The following CFAP20DC variants were observed in gnomAD, a reference collection of about 807,000 sequenced individuals.
The protein encoded by CFAP20DC is CFAP20 domain containing.
Under a neutral mutation model 101.7 loss-of-function variants are expected in CFAP20DC, and 84 were observed. The ratio of observed to expected loss-of-function variants is 0.83; its 90% CI spans 0.69 to 0.99. The LOEUF is 0.99. Among genes scored for constraint, CFAP20DC ranks in the 50% least tolerant of loss-of-function variants. The probability of loss-of-function intolerance (pLI) is 0.00; values close to 1 mark genes in which losing one functional copy is unlikely to be tolerated. For synonymous variants in CFAP20DC, 359 were observed against 351.2 expected, an observed-to-expected ratio of 1.02 and a Z score of -0.25; for missense variants, 1,007 against 970.3, an observed-to-expected ratio of 1.04 and a Z score of -0.50.
chr3:58,852,634 C>T (rs1340703314), intron 12 of CFAP20DC, among the ~76,000 whole-genome samples: 4 of 150,120 alleles, frequency 2.7e-5, no homozygotes, highest in African/African-American at 9.8e-5. Context: ...AACAAACTAT[C>T]TCTCAGACCA....
At chr3:58,830,032 C>T (rs1026949251) in intron 14 of CFAP20DC, among the ~76,000 whole-genome samples, 1 of 152,154 alleles carries the variant, frequency 6.6e-6, no homozygotes, top group African/African-American at 2.4e-5. Flanking sequence ...AGCTTGGCTA[C>T]AAGAATACTC....
chr3:58,936,975 T>G (rs181811593), intron 5 of CFAP20DC, among the ~76,000 whole-genome samples: 129 of 137,112 alleles, frequency 9.4e-4, no homozygotes, highest in Middle Eastern at 4.0e-3. Flanking sequence ...AAAAGAGAGA[T>G]AGTGTTGATT....
At chr3:58,890,915 G>T (rs1392435675) in intron 6 of CFAP20DC, among the ~76,000 whole-genome samples, 1 of 148,360 alleles carries the variant, frequency 6.7e-6, no homozygotes, top group Non-Finnish European at 1.5e-5. Context: ...ATGGCGGCCG[G>T]GCGGAGACGC....
At chr3:58,930,396 G>C (rs2086478876) in intron 5 of CFAP20DC, among the ~76,000 whole-genome samples, 1 of 152,142 alleles carries the variant, frequency 6.6e-6, no homozygotes, top group Non-Finnish European at 1.5e-5. Flanking sequence ...TAGCCCAAAA[G>C]CTTTAATGGC....
Position 58,892,774 on chromosome 3 carries a change from G to A in CFAP20DC, c.551-8065C>T, listed in dbSNP as rs565402105. On this transcript the variant is annotated intron_variant, in intron 6 of 16. Transcript: ENST00000482387. This position sits in a 1 kb window ranked among gnomAD's most constrained non-coding sequence, Gnocchi z 4.0. The stretch of plus-strand genomic sequence containing the variant: ...TTCTAGATATAGGATCATGTCATCT[G>A]CAAAAAGGTAATTTGACTTCCTCTC... Among the ~76,000 whole-genome samples the A allele has an allele frequency of 3.3e-5, 5 of 152,278 alleles. No homozygotes were observed. The highest frequency in any genetic ancestry group is 1.2e-4 in the African/African-American group (5 of 41,560).
At chr3:58,980,741 C>A (rs556699712) in intron 4 of CFAP20DC, among the ~76,000 whole-genome samples, 4 of 152,134 alleles carry the variant, frequency 2.6e-5, no homozygotes, top group African/African-American at 9.7e-5. Flanking sequence ...AAACCCACAG[C>A]GAATATCATA....
intron 14 of CFAP20DC, among the ~76,000 whole-genome samples, chr3:58,809,608 C>G (rs1328571604): frequency 6.6e-6 from 1 of 151,886 alleles, no homozygotes; most frequent in Non-Finnish European, 1.5e-5. Flanking sequence ...CAGGAAAGAT[C>G]CAAAATTGAC....
At chr3:58,818,494 G>A (rs1469012043) in intron 14 of CFAP20DC, among the ~76,000 whole-genome samples, 1 of 151,510 alleles carries the variant, frequency 6.6e-6, no homozygotes, top group African/African-American at 2.4e-5. Flanking sequence ...TGCAATCCTA[G>A]TCTCTGATAA....
chr3:58,807,256 T>C (rs1374783071), intron 14 of CFAP20DC, among the ~76,000 whole-genome samples: 1 of 152,194 alleles, frequency 6.6e-6, no homozygotes, highest in African/African-American at 2.4e-5. Flanking sequence ...ATGGGCAGAC[T>C]GCCTCCTCAA....
chr3:58,910,406 AT>A (rs894461267), intron 6 of CFAP20DC, among the ~76,000 whole-genome samples: 4 of 152,134 alleles, frequency 2.6e-5, no homozygotes, highest in Admixed American at 6.6e-5. Context: ...GTTGATAATA[AT>A]TTTTCCTTAG....
chr3:58,791,467 G>A (rs1480196190), intron 15 of CFAP20DC, among the ~76,000 whole-genome samples: 1 of 152,008 alleles, frequency 6.6e-6, no homozygotes, highest in Non-Finnish European at 1.5e-5. Flanking sequence ...TTAAACTAGT[G>A]CATTATACCA....
chr3:59,032,122 G>A (rs1486114720), intron 4 of CFAP20DC, among the ~76,000 whole-genome samples: 1 of 152,146 alleles, frequency 6.6e-6, no homozygotes, highest in Non-Finnish European at 1.5e-5. Flanking sequence ...CTAGCCAAGG[G>A]AAGCGGTGAG....
At position 58,952,147 on chromosome 3, in the gene CFAP20DC, A is replaced by G. The variant is rs887551201; in HGVS notation, c.279-14385T>C. On this transcript the variant is annotated intron_variant, in intron 4 of 16. Coordinates refer to ENST00000482387, the MANE Select transcript of CFAP20DC (RefSeq NM_001394063.1). The stretch of plus-strand genomic sequence containing the variant: ...TCATCATCAGCGTTGAGTTCATTGT[A>G]GTTTTCAAGTAGTGCTATTCTTAGT... Among the ~76,000 whole-genome samples, 6 of 152,280 alleles carry G rather than the reference A, an allele frequency of 3.9e-5. No individual in the cohort carries two copies. In the East Asian group the frequency reaches 1.2e-3, roughly 29 times the overall value.
intron 4 of CFAP20DC, among the ~76,000 whole-genome samples, chr3:59,039,047 A>C (rs1487688474): frequency 1.3e-5 from 2 of 152,124 alleles, no homozygotes; most frequent in Non-Finnish European, 2.9e-5. Flanking sequence ...TAGATAGCTC[A>C]ACTGAGTAAA....
At chr3:58,758,734 G>C (rs569149709) in intron 15 of CFAP20DC, among the ~76,000 whole-genome samples, 30 of 151,978 alleles carry the variant, frequency 2.0e-4, no homozygotes, top group African/African-American at 7.2e-4. Flanking sequence ...TTCCCTTCCT[G>C]TGTCCGTGTG....
rs200124688 is a variant in CFAP20DC at position 58,816,894 on chromosome 3, G to C, written c.2176-10438C>G. ...TCTGCAGACTTAAGTGTCCCTGTCT[G>C]ACAGCTTGGAAGAGAGCAGTGGTTC... On this transcript the variant is annotated intron_variant, in intron 14 of 16. Transcript: ENST00000482387. Among the ~76,000 whole-genome samples the C allele has an allele frequency of 3.3e-4, 50 of 152,326 alleles. 2 individuals carry two copies. The East Asian group carries it at 9.7e-3, about 29-fold the overall frequency.
rs927169953 is a variant in CFAP20DC, at chr3:58,874,854, T to C, written c.716-4545A>G. The stretch of plus-strand genomic sequence containing the variant: ...GTGGCCTGCTTCTGTCACCCTGAAC[T>C]GCCAGCACCTAGCCCAGTGCTTGAC... On this transcript the variant is annotated intron_variant, in intron 7 of 16. Transcript: ENST00000482387. This position sits in a 1 kb window ranked among gnomAD's most constrained non-coding sequence, Gnocchi z 5.1. Among the ~76,000 whole-genome samples, 1 of 152,204 alleles carries C rather than the reference T, an allele frequency of 6.6e-6. No individual in the cohort carries two copies. Among genetic ancestry groups the C allele is most frequent in the Non-Finnish European group, 1.5e-5 (1 of 68,038 alleles).
chr3:58,918,432 A>T lies in CFAP20DC; in HGVS notation c.394-4568T>A, dbSNP rs372440864. Among the ~76,000 whole-genome samples the T allele has an allele frequency of 2.5e-4, 38 of 152,262 alleles. No individual in the cohort carries two copies. In the Middle Eastern group the frequency reaches 0.01, roughly 41 times the overall value. On this transcript the variant is annotated intron_variant, in intron 5 of 16. Transcript: ENST00000482387. ...TAATCACATTCCTGAAAAAAGCTGGAACCAGGTTCATCTCATCTTCTAACA... is the reference window on the plus strand; with the variant it reads ...TAATCACATTCCTGAAAAAAGCTGGTACCAGGTTCATCTCATCTTCTAACA...
intron 1 of CFAP20DC, among the ~76,000 whole-genome samples, chr3:59,048,296 TA>T (rs1337584478): frequency 6.6e-6 from 1 of 152,244 alleles, no homozygotes; most frequent in Admixed American, 6.5e-5. Context: ...AATATAAAGA[TA>T]TTTTTGCCTC....
Sources: allele counts gnomAD v4.1 joint callset (sites outside exome capture counted in the v4.1 genomes callset), GRCh38; gene constraint gnomAD v4.1.1; non-coding constraint Gnocchi (gnomAD v3.1); transcripts MANE v1.5; gene names NCBI Gene and HGNC (gene_info 2026-07-23, HGNC 2026-07-21).